TPR: variants seen among roughly 807,000 people sequenced by gnomAD.
TPR encodes translocated promoter region, nuclear basket protein.
A neutral mutation model predicts 316.1 loss-of-function variants in TPR; 51 were observed. The observed-to-expected ratio is 0.16, with a 90% confidence interval of 0.13 to 0.20. TPR has a LOEUF of 0.20. Among genes scored for constraint, TPR ranks in the 10% least tolerant of loss-of-function variants. The probability of loss-of-function intolerance (pLI) is 1.00; values close to 1 mark genes in which losing one functional copy is unlikely to be tolerated. For missense variants in TPR, 2,272 were observed against 2,754.8 expected (o/e 0.82, Z 3.92); for synonymous variants, 981 against 914.7 (o/e 1.07, Z -1.31).
intron 7 of TPR, among the ~76,000 whole-genome samples, chr1:186,362,083 T>A (rs896395835): frequency 6.6e-6 from 1 of 152,004 alleles, no homozygotes; most frequent in Admixed American, 6.6e-5. Context: ...AATTAACCCA[T>A]ACTCATTTTT....
At chr1:186,330,436 C>A (rs1328868242) in intron 39 of TPR, among the ~76,000 whole-genome samples, 1 of 152,016 alleles carries the variant, frequency 6.6e-6, no homozygotes, top group African/African-American at 2.4e-5. Flanking sequence ...GTCTTTGTGT[C>A]CTGTAGTTCA....
At chr1:186,319,706 A>G (rs1231324871) in intron 46 of TPR, among the ~76,000 whole-genome samples, 1 of 152,176 alleles carries the variant, frequency 6.6e-6, no homozygotes, top group Non-Finnish European at 1.5e-5. Context: ...TTCATTTACC[A>G]AGTGCCAGAC....
rs1658448060 is a variant in TPR, at chr1:186,339,638, A to T, written c.4151+4T>A. On this transcript the variant is annotated splice_donor_region_variant and intron_variant, in intron 30 of 50. Coordinates refer to ENST00000367478, the MANE Select transcript of TPR (RefSeq NM_003292.3). ...TATATGATTTAAGGCTTCTTTCCAT[A>T]TACCTTGCAATTTCAGCTTTAAGTC... is the stretch of plus-strand genomic sequence containing the variant. 6.4e-7 allele frequency: 1 copy of T among 1,571,410 alleles called. No homozygotes were observed.
rs770985496 is a variant in TPR at position 186,333,309 on chromosome 1, C to T, written c.5268G>A (p.Gln1756=). Residue 1756 remains glutamine (Q), a synonymous_variant, in exon 37 of 51, where the codon CAG becomes CAA. Transcript: ENST00000367478. The stretch of plus-strand genomic sequence containing the variant: ...TTAAAATAGGTTGAGAGATAGAAGG[C>T]TGGACATTAGGACTAGTAGAACGAA... ...GSVRSTSPNV[Q]PSISQPILTV... 1.2e-6 allele frequency: 2 copies of T among 1,613,676 alleles called. No homozygotes were observed. Among genetic ancestry groups the T allele is most frequent in the Non-Finnish European group, 8.5e-7 (1 of 1,179,718 alleles).
In TPR at chr1:186,353,549, A is replaced by G. The variant is rs1332509452; in HGVS notation, c.2334+139T>C. 2.9e-5 allele frequency: 26 copies of G among 885,504 alleles called. 1 individual carries two copies. In the East Asian group the frequency reaches 5.0e-4, roughly 17 times the overall value. The allele number at this position is 885,504 out of a possible 1,614,324, so 54.9% of individuals were successfully genotyped here. On this transcript the variant is annotated intron_variant, in intron 18 of 50. Transcript: ENST00000367478. ...ACTAACGCACACTGGCTATTTGCAA[A>G]CTATGTATTAATTACTTGGTGTAAC...
chr1:186,338,286 C>A, intron 30 of TPR, 43 bp from the exon 31 acceptor site: 1 of 1,511,602 alleles, frequency 6.6e-7, no homozygotes, highest in Non-Finnish European at 8.9e-7. Context: ...ATATATGAGA[C>A]ATTTTTCAAA....
At chr1:186,335,281 T>C in intron 34 of TPR, 57 bp downstream of exon 34, 2 of 1,594,170 alleles carry the variant, frequency 1.3e-6, no homozygotes, top group Non-Finnish European at 8.6e-7. Context: ...CCAAGCACTT[T>C]CAAGTAAAAT....
Position 186,353,808 on chromosome 1 carries a change from T to C in TPR, c.2214A>G (p.Glu738=), listed in dbSNP as rs141153229. The part of the protein sequence containing the change: ...LQDNVEGYRR[E]ITSLHERNQK... ...GATTTCTCTCATGAAGTGATGTTATTTCTCGACGATATCCTTCAACATTAT... is the reference window on the plus strand; with the variant it reads ...GATTTCTCTCATGAAGTGATGTTATCTCTCGACGATATCCTTCAACATTAT... The change falls in exon 18 of 51, where the codon GAA becomes GAG. Residue 738 remains glutamate (E), a synonymous_variant. Coordinates refer to ENST00000367478, the MANE Select transcript of TPR (RefSeq NM_003292.3). 3.7e-4 allele frequency: 599 copies of C among 1,614,110 alleles called. 4 individuals carry two copies. In the African/African-American group the frequency reaches 7.4e-3, roughly 20 times the overall value.
chr1:186,315,714 T>G (rs565242642), intron 49 of TPR, among the ~76,000 whole-genome samples: 60 of 151,624 alleles, frequency 4.0e-4, no homozygotes, highest in Non-Finnish European at 6.2e-4. Context: ...ATTACAATGA[T>G]CTACTCGATC....
Position 186,312,539 on chromosome 1 carries a change from T to C in TPR, c.*1432A>G. On this transcript the variant is annotated 3_prime_UTR_variant, in exon 51 of 51. Transcript: ENST00000367478. Reference sequence around the variant, plus strand: ...GCCTTAGTGAATAACCAAAGACCAATACTTTCTTTTTCCTTGTGGGTAAGT... The same window carrying C: ...GCCTTAGTGAATAACCAAAGACCAACACTTTCTTTTTCCTTGTGGGTAAGT... 1 of 814,046 alleles carries C rather than the reference T, an allele frequency of 1.2e-6. No homozygotes were observed. Among genetic ancestry groups the C allele is most frequent in the Non-Finnish European group, 1.9e-6 (1 of 528,204 alleles). The allele number at this position is 814,046 out of a possible 1,614,324, so 50.4% of individuals were successfully genotyped here. A position where few individuals can be genotyped will look rare whatever the true frequency, so the allele number is the denominator to read the frequency against.
intron 30 of TPR, 147 bp from the exon 31 acceptor site, chr1:186,338,390 C>T (rs1057414143): frequency 3.1e-6 from 2 of 639,492 alleles, no homozygotes; most frequent in Non-Finnish European, 5.1e-6. Context: ...AAGGTAAGAC[C>T]TTACGAATTT....
Position 186,331,528 on chromosome 1 carries a change from G to A in TPR, c.5658C>T (p.Tyr1886=), listed in dbSNP as rs1250079116. 6.2e-7 allele frequency: 1 copy of A among 1,608,376 alleles called. No homozygotes were observed. The highest frequency in any genetic ancestry group is 2.2e-5 in the East Asian group (1 of 44,602). Residue 1886 remains tyrosine, a synonymous_variant, in exon 39 of 51, where the codon TAC becomes TAT. Coordinates refer to ENST00000367478, the MANE Select transcript of TPR (RefSeq NM_003292.3). ...CAATGGAATCTTGAGAATCCTGGTT[G>A]TATACCTGAGTCTCTACCTCTCCAT... is the stretch of plus-strand genomic sequence containing the variant. ...STDGEVETQV[Y]NQDSQDSIGE...
In TPR at chr1:186,370,962, T is replaced by G. The variant is rs770145703; in HGVS notation, c.330+8A>C. Reference sequence around the variant, plus strand: ...TACAATGAGCTTATTCTAAGAAATATCTCTTACCTGAATGGCAATATTGCG... The same window carrying G: ...TACAATGAGCTTATTCTAAGAAATAGCTCTTACCTGAATGGCAATATTGCG... On this transcript the variant is annotated splice_region_variant and intron_variant, in intron 3 of 50. Transcript: ENST00000367478. The G allele has an allele frequency of 6.2e-7, 1 of 1,608,728 alleles. No homozygotes were observed. The highest frequency in any genetic ancestry group is 8.5e-7 in the Non-Finnish European group (1 of 1,175,836).
intron 10 of TPR, 88 bp downstream of exon 10, chr1:186,360,677 C>T: frequency 1.3e-6 from 2 of 1,535,090 alleles, no homozygotes; most frequent in South Asian, 1.2e-5. Flanking sequence ...CACAGCATGA[C>T]AGATAAATAC....
intron 36 of TPR, 129 bp downstream of exon 36, chr1:186,334,196 T>A: frequency 3.0e-6 from 3 of 988,402 alleles, no homozygotes; most frequent in Non-Finnish European, 4.3e-6. Flanking sequence ...CTTCAAATAT[T>A]AAACACCCAT....
Position 186,312,200 on chromosome 1 carries a change from T to C in TPR, c.*1771A>G, listed in dbSNP as rs1657304800. ...GTGGCAGCATTCAGCAGTATATTTA[T>C]AAACAGGAACCTGTACAGAAGTGCC... On this transcript the variant is annotated 3_prime_UTR_variant, in exon 51 of 51. Transcript: ENST00000367478. 2 of 1,614,006 alleles carry C rather than the reference T, an allele frequency of 1.2e-6. No individual in the cohort carries two copies. The highest frequency in any genetic ancestry group is 1.7e-6 in the Non-Finnish European group (2 of 1,179,922).
chr1:186,323,971 G>A lies in TPR; in HGVS notation c.6113-101C>T, dbSNP rs76144227. The A allele has an allele frequency of 1.5e-3, 1,782 of 1,223,444 alleles. 20 individuals carry two copies. In the African/African-American group the frequency reaches 0.021, roughly 15 times the overall value. 75.8% of individuals were successfully genotyped at this position (1,223,444 alleles called of 1,614,324 possible). On this transcript the variant is annotated intron_variant, in intron 42 of 50. Coordinates refer to ENST00000367478, the MANE Select transcript of TPR (RefSeq NM_003292.3). ...AATCTTGCCAACAGGAATGTTCACCGTACGAATATTTTCAGAAGTAAAGTA... is the reference window on the plus strand; with the variant it reads ...AATCTTGCCAACAGGAATGTTCACCATACGAATATTTTCAGAAGTAAAGTA...
chr1:186,358,222 T>A (rs139824106), intron 13 of TPR, among the ~76,000 whole-genome samples: 1 of 152,144 alleles, frequency 6.6e-6, no homozygotes, highest in East Asian at 1.9e-4. Flanking sequence ...GTGAAAAAAA[T>A]ACACAACTGT....
intron 27 of TPR, chr1:186,342,655 T>C (rs2102073905): frequency 6.6e-6 from 1 of 152,346 alleles, no homozygotes. Context: ...TGACTACTCA[T>C]CAGTTAAAAG....
Sources: allele counts gnomAD v4.1 joint callset (sites outside exome capture counted in the v4.1 genomes callset), GRCh38; gene constraint gnomAD v4.1.1; transcripts MANE v1.5; gene names NCBI Gene and HGNC (gene_info 2026-07-23, HGNC 2026-07-21).